ZNF567: variants seen among roughly 807,000 people sequenced by gnomAD.
ZNF567 encodes the protein zinc finger protein 567.
In ZNF567, 36 loss-of-function variants were observed where a neutral mutation model predicts 53.9. The ratio of observed to expected loss-of-function variants is 0.67; its 90% CI spans 0.51 to 0.88. The LOEUF is 0.88. Among genes scored for constraint, ZNF567 ranks in the 40% least tolerant of loss-of-function variants. The probability of loss-of-function intolerance (pLI) is 0.00; values close to 1 mark genes in which losing one functional copy is unlikely to be tolerated. For synonymous variants in ZNF567, 224 were observed against 260.4 expected (o/e 0.86, Z 1.35); for missense variants, 619 against 764.7 (o/e 0.81, Z 2.25).
At chr19:36,675,960 C>G in the ZNF567 span, among the ~76,000 whole-genome samples, 1 of 147,768 alleles carries the variant, frequency 6.8e-6, no homozygotes, top group African/African-American at 2.5e-5. Flanking sequence ...TACATATGTA[C>G]ACTTTGATAA....
chr19:36,687,422 A>C (rs2145488988), upstream of ZNF567: 1 of 152,520 alleles, frequency 6.6e-6, no homozygotes, highest in African/African-American at 2.4e-5. Context: ...CCCTCATCCC[A>C]GCCACGCACT....
chr19:36,702,284 C>T (rs1413757305), intron 3 of ZNF567, among the ~76,000 whole-genome samples: 8 of 152,048 alleles, frequency 5.3e-5, no homozygotes, highest in South Asian at 2.1e-4. Flanking sequence ...GAGTTTCTGG[C>T]GAGAGATCCG....
downstream of ZNF567, among the ~76,000 whole-genome samples, chr19:36,721,873 TA>T (rs2040308222): frequency 6.6e-6 from 1 of 151,426 alleles, no homozygotes; most frequent in Non-Finnish European, 1.5e-5. Flanking sequence ...GCCTTCTGAG[TA>T]GCTGGGATTA....
chr19:36,673,378 AT>A, the ZNF567 span, among the ~76,000 whole-genome samples: 3 of 152,198 alleles, frequency 2.0e-5, no homozygotes, highest in Non-Finnish European at 2.9e-5. Context: ...ATTATTCTGG[AT>A]GTTTCTGTGA....
At chr19:36,681,781 T>TC in the ZNF567 span, among the ~76,000 whole-genome samples, 3 of 151,332 alleles carry the variant, frequency 2.0e-5, no homozygotes, top group Non-Finnish European at 2.9e-5. Context: ...ACTGATTTGT[T>TC]CCCCCCCAGT....
chr19:36,712,435 G>A lies in ZNF567; in HGVS notation c.59G>A (p.Trp20Ter). The A allele has an allele frequency of 1.2e-6, 2 of 1,614,028 alleles. No individual in the cohort carries two copies. The highest frequency in any genetic ancestry group is 1.1e-5 in the South Asian group (1 of 91,072). ...DVTVDFTQEEWQHLDHAQKTL... is the reference protein window; with the variant it reads ...DVTVDFTQEE ...ACTGTGGACTTCACTCAGGAGGAGT[G>A]GCAGCACCTGGATCATGCTCAGAAG... Residue 20 changes from tryptophan to a stop codon, truncating the protein, a stop_gained, in exon 4 of 6, where the codon TGG becomes TAG. Transcript: ENST00000682579. LOFTEE classifies it high-confidence loss of function.
downstream of ZNF567, among the ~76,000 whole-genome samples, chr19:36,723,748 C>T (rs989179303): frequency 6.6e-6 from 1 of 152,114 alleles, no homozygotes; most frequent in African/African-American, 2.4e-5. Flanking sequence ...GCAGGAGAAT[C>T]ACTTGAACCC....
chr19:36,726,410 A>G (rs1193260175), downstream of ZNF567, among the ~76,000 whole-genome samples: 5 of 152,276 alleles, frequency 3.3e-5, no homozygotes, highest in African/African-American at 1.2e-4. Context: ...CCACCCTGGC[A>G]TGGGGAGGGC....
intron 5 of ZNF567, among the ~76,000 whole-genome samples, chr19:36,718,063 T>G (rs2040142118): frequency 6.6e-6 from 1 of 152,202 alleles, no homozygotes; most frequent in African/African-American, 2.4e-5. Flanking sequence ...TACATAATTA[T>G]GTAGAGGATT....
chr19:36,711,821 C>T (rs1445223828), intron 3 of ZNF567: 3 of 152,384 alleles, frequency 2.0e-5, no homozygotes, highest in East Asian at 3.9e-4. Flanking sequence ...TGTCTTGGCA[C>T]TTCCATAAAT....
chr19:36,717,062 G>T (rs913864385), intron 5 of ZNF567, among the ~76,000 whole-genome samples: 3 of 151,930 alleles, frequency 2.0e-5, no homozygotes, highest in African/African-American at 7.3e-5. Flanking sequence ...CCTGACCTCA[G>T]GTGATCTGCC....
At chr19:36,716,207 A>T (rs1239764768) in intron 5 of ZNF567, among the ~76,000 whole-genome samples, 1 of 152,088 alleles carries the variant, frequency 6.6e-6, no homozygotes, top group Non-Finnish European at 1.5e-5. Context: ...TTTCTCTTGG[A>T]GAAAATTCTT....
chr19:36,679,122 T>A, the ZNF567 span, among the ~76,000 whole-genome samples: 1 of 151,824 alleles, frequency 6.6e-6, no homozygotes, highest in Non-Finnish European at 1.5e-5. Context: ...CCGTCTCTAA[T>A]AAAAATACAA....
At position 36,697,604 on chromosome 19, in the gene ZNF567, AT is replaced by A. The variant is rs912661889; in HGVS notation, c.9+2737del. Among the ~76,000 whole-genome samples, 8 of 147,498 alleles carry A rather than the reference AT, an allele frequency of 5.4e-5. No individual in the cohort carries two copies. In the East Asian group the frequency reaches 7.9e-4, roughly 15 times the overall value. On this transcript the variant is annotated intron_variant, in intron 3 of 5. Transcript: ENST00000682579. ...GTTTGATATTAGCTATAGGATTAGG[AT>A]TTTTTTTTCTTTTTTTTTTTTTCTT...
the ZNF567 span, among the ~76,000 whole-genome samples, chr19:36,670,371 C>G: frequency 6.6e-6 from 1 of 151,898 alleles, no homozygotes; most frequent in African/African-American, 2.4e-5. Context: ...ACTGTCTCCA[C>G]CTAGAAAAAT....
upstream of ZNF567, among the ~76,000 whole-genome samples, chr19:36,682,839 C>T (rs1252870007): frequency 6.6e-6 from 1 of 151,652 alleles, no homozygotes; most frequent in Non-Finnish European, 1.5e-5. Flanking sequence ...AATCTCCTGA[C>T]CTCGTGATCC....
At position 36,694,859 on chromosome 19, in the gene ZNF567, C is replaced by T. The variant is rs2038796499; in HGVS notation, c.-9C>T. 5 of 1,524,092 alleles carry T rather than the reference C, an allele frequency of 3.3e-6. No homozygotes were observed. Among genetic ancestry groups the T allele is most frequent in the Non-Finnish European group, 4.4e-6 (5 of 1,143,530 alleles). The allele number at this position is 1,524,092 out of a possible 1,614,324, so 94.4% of individuals were successfully genotyped here. A position where few individuals can be genotyped will look rare whatever the true frequency, so the allele number is the denominator to read the frequency against. On this transcript the variant is annotated 5_prime_UTR_variant, in exon 3 of 6. Coordinates refer to ENST00000682579, the MANE Select transcript of ZNF567 (RefSeq NM_001322917.1). ...GAAGGACTGGTCATCTCTTTCATATCTCAAAACCATGGCTCAGGTAAGGCG... is the reference window on the plus strand; with the variant it reads ...GAAGGACTGGTCATCTCTTTCATATTTCAAAACCATGGCTCAGGTAAGGCG...
At chr19:36,725,522 G>T (rs2040332130), downstream of ZNF567, among the ~76,000 whole-genome samples, 1 of 152,136 alleles carries the variant, frequency 6.6e-6, no homozygotes, top group African/African-American at 2.4e-5. Flanking sequence ...ATTTTCGCAA[G>T]TTGGGTACAA....
chr19:36,725,896 C>T (rs908970129), downstream of ZNF567, among the ~76,000 whole-genome samples: 1 of 152,180 alleles, frequency 6.6e-6, no homozygotes, highest in Non-Finnish European at 1.5e-5. Flanking sequence ...CTTCTTTTTC[C>T]TCTCCTTCCA....
Sources: gnomAD v4.1 joint callset for allele counts (sites outside exome capture counted in the v4.1 genomes callset) on GRCh38, gnomAD v4.1.1 for gene constraint, MANE v1.5 for transcripts, NCBI Gene and HGNC (gene_info 2026-07-23, HGNC 2026-07-21) for gene names.